Variants in RAB1A observed in about 807,000 individuals in gnomAD.
RAB1A encodes the protein ras-related protein Rab-1A.
Under a neutral mutation model 26.0 loss-of-function variants are expected in RAB1A, and 2 were observed. The ratio of observed to expected loss-of-function variants is 0.08; its 90% CI spans 0.03 to 0.24. The LOEUF (loss-of-function observed/expected upper bound fraction) is 0.24. Among genes scored for constraint, RAB1A ranks in the 10% least tolerant of loss-of-function variants. RAB1A has a pLI of 1.00. For missense variants in RAB1A, 100 were observed against 247.0 expected (o/e 0.40, Z 3.99); for synonymous variants, 84 against 84.9 (o/e 0.99, Z 0.06).
intron 1 of RAB1A, among the ~76,000 whole-genome samples, chr2:65,125,988 C>G (rs1670092490): frequency 6.7e-6 from 1 of 149,806 alleles, no homozygotes; most frequent in African/African-American, 2.5e-5. Context: ...TGTCCTGCCT[C>G]AGCCTCCCGA....
At chr2:65,105,312 C>A in intron 1 of RAB1A, 1 of 187,998 alleles carries the variant, frequency 5.3e-6, no homozygotes. Flanking sequence ...CAAGACCAGC[C>A]TGACCAACAT....
Position 65,088,652 on chromosome 2 carries a change from G to C in RAB1A, c.459C>G (p.Thr153=). ...ADSLGIPFLE[T]SAKNATNVEQ... ...CTACATTCGTTGCATTCTTAGCACT[G>C]GTTTCCAAAAACGGAATTCCAAGGG... The change falls in exon 6 of 6, where the codon ACC becomes ACG. Residue 153 remains threonine, a synonymous_variant. Coordinates refer to ENST00000409784, the MANE Select transcript of RAB1A (RefSeq NM_004161.5). 5 of 1,610,768 alleles carry C rather than the reference G, an allele frequency of 3.1e-6. No individual in the cohort carries two copies. The highest frequency in any genetic ancestry group is 3.4e-6 in the Non-Finnish European group (4 of 1,178,764).
chr2:65,117,781 G>C (rs901690423), intron 1 of RAB1A, among the ~76,000 whole-genome samples: 4 of 149,988 alleles, frequency 2.7e-5, no homozygotes, highest in Admixed American at 6.7e-5. Context: ...ATGTTGCCCA[G>C]GTTGGTCTCA....
intron 4 of RAB1A, among the ~76,000 whole-genome samples, 160 bp downstream of exon 4, chr2:65,090,823 G>A (rs746857971): frequency 1.3e-5 from 2 of 152,216 alleles, no homozygotes; most frequent in African/African-American, 2.4e-5. Context: ...GAAAACAAAT[G>A]TCTTTTAAGT....
chr2:65,124,789 T>C (rs1670057823), intron 1 of RAB1A, among the ~76,000 whole-genome samples: 1 of 152,150 alleles, frequency 6.6e-6, no homozygotes, highest in African/African-American at 2.4e-5. Context: ...TATCTCATCA[T>C]CTCATTCACA....
intron 1 of RAB1A, among the ~76,000 whole-genome samples, chr2:65,119,841 CAAAAAAAAAAAAAA>C (rs1178958164): frequency 2.7e-5 from 1 of 36,440 alleles, no homozygotes; most frequent in African/African-American, 9.9e-5. Context: ...CCTGTCTCTA[CAAAAAAAAAAAAAA>C]AAAAAAAAAA....
At chr2:65,095,390 C>T (rs1669259758) in intron 3 of RAB1A, among the ~76,000 whole-genome samples, 1 of 151,980 alleles carries the variant, frequency 6.6e-6, no homozygotes, top group Non-Finnish European at 1.5e-5. Context: ...CACTCTGTCC[C>T]CAAAGCTGGG....
chr2:65,120,784 A>C (rs960581275), intron 1 of RAB1A, among the ~76,000 whole-genome samples: 1 of 152,228 alleles, frequency 6.6e-6, no homozygotes, highest in Non-Finnish European at 1.5e-5. Flanking sequence ...AATATCTATA[A>C]GGAGAGTAGA....
rs182240759 is a variant in RAB1A, at chr2:65,126,338, C to T, written c.23+3555G>A. Among the ~76,000 whole-genome samples, 17 of 150,822 alleles carry T rather than the reference C, an allele frequency of 1.1e-4. No individual in the cohort carries two copies. In the East Asian group the frequency reaches 3.3e-3, roughly 30 times the overall value. ...CGAAAAAAAGAAAAAGAAAAGAAAACAAAAACAAAAAAAAACACAAACAGC... is the reference window on the plus strand; with the variant it reads ...CGAAAAAAAGAAAAAGAAAAGAAAATAAAAACAAAAAAAAACACAAACAGC... On this transcript the variant is annotated intron_variant, in intron 1 of 5. Coordinates refer to ENST00000409784, the MANE Select transcript of RAB1A (RefSeq NM_004161.5).
chr2:65,111,687 G>T, intron 1 of RAB1A, among the ~76,000 whole-genome samples: 1 of 152,114 alleles, frequency 6.6e-6, no homozygotes, highest in South Asian at 2.1e-4. Context: ...TAGGAAAAGC[G>T]GAAAGAAGGG....
At chr2:65,125,380 ATG>A (rs1305641953) in intron 1 of RAB1A, among the ~76,000 whole-genome samples, 1 of 151,526 alleles carries the variant, frequency 6.6e-6, no homozygotes, top group Non-Finnish European at 1.5e-5. Context: ...ATTATGAAAA[ATG>A]TTATGAGAAT....
intron 3 of RAB1A, among the ~76,000 whole-genome samples, chr2:65,095,804 G>C (rs1356742008): frequency 6.6e-6 from 1 of 152,058 alleles, no homozygotes; most frequent in African/African-American, 2.4e-5. Context: ...TTGAGGTAAG[G>C]AGTTTGAGAC....
intron 2 of RAB1A, among the ~76,000 whole-genome samples, 187 bp downstream of exon 2, chr2:65,104,547 G>A (rs111710901): frequency 4.1e-4 from 63 of 152,096 alleles, no homozygotes; most frequent in Non-Finnish European, 1.5e-4. Flanking sequence ...TTTCTTTTAA[G>A]AGCAACAATA....
chr2:65,125,978 T>C (rs1670092117), intron 1 of RAB1A, among the ~76,000 whole-genome samples: 1 of 149,710 alleles, frequency 6.7e-6, no homozygotes. Context: ...TTCAAGAGAT[T>C]GTCCTGCCTC....
intron 1 of RAB1A, among the ~76,000 whole-genome samples, chr2:65,108,178 A>T (rs1669607599): frequency 6.6e-6 from 1 of 151,966 alleles, no homozygotes; most frequent in Admixed American, 6.6e-5. Context: ...CCAGGCCAAC[A>T]CGATGAAACC....
rs34033066 is a variant in RAB1A, at chr2:65,123,900, TA to T, written c.23+5992del. The stretch of plus-strand genomic sequence containing the variant: ...AGCACTTCCATCTTTAAGACAACGT[TA>T]AAAAAAAAAACTAAACTAAAATATT... On this transcript the variant is annotated intron_variant, in intron 1 of 5. Transcript: ENST00000409784. Among the ~76,000 whole-genome samples the T allele has an allele frequency of 3.0e-4, 45 of 149,230 alleles. No individual in the cohort carries two copies. The East Asian group carries it at 3.3e-3, about 11-fold the overall frequency.
intron 1 of RAB1A, chr2:65,105,045 CT>C: frequency 1.7e-6 from 1 of 597,230 alleles, no homozygotes; most frequent in Non-Finnish European, 3.0e-6. Flanking sequence ...CATCAGTGAA[CT>C]TCCACTTAAA....
At chr2:65,111,457 G>A (rs1054178919) in intron 1 of RAB1A, among the ~76,000 whole-genome samples, 6 of 151,790 alleles carry the variant, frequency 4.0e-5, no homozygotes, top group Non-Finnish European at 8.8e-5. Context: ...AACTTGTCAA[G>A]ATAACGAAAA....
chr2:65,119,421 C>T (rs185900024), intron 1 of RAB1A, among the ~76,000 whole-genome samples: 4 of 151,624 alleles, frequency 2.6e-5, no homozygotes, highest in Admixed American at 6.6e-5. Context: ...GCAGGAGAAT[C>T]GCTTGAACCT....
Sources: gnomAD v4.1 joint callset for allele counts (sites outside exome capture counted in the v4.1 genomes callset) on GRCh38, gnomAD v4.1.1 for gene constraint, MANE v1.5 for transcripts, NCBI Gene and HGNC (gene_info 2026-07-23, HGNC 2026-07-21) for gene names.